Variants in FRMD4B observed in about 807,000 individuals in gnomAD.
The protein encoded by FRMD4B is FERM domain-containing protein 4B.
FRMD4B carries 74 observed loss-of-function variants against 141.5 expected under a neutral mutation model. The ratio of observed to expected loss-of-function variants is 0.52; its 90% CI spans 0.43 to 0.63. The LOEUF (loss-of-function observed/expected upper bound fraction) is 0.63. Ranked by LOEUF, FRMD4B falls within the 30% of genes least tolerant of loss-of-function variation. FRMD4B has a pLI of 0.00. For synonymous variants in FRMD4B, 506 were observed against 467.9 expected (o/e 1.08, Z -1.05); for missense variants, 1,366 against 1,253.4 (o/e 1.09, Z -1.36).
chr3:69,345,377 G>T (rs984729800), intron 1 of FRMD4B, among the ~76,000 whole-genome samples: 40 of 152,198 alleles, frequency 2.6e-4, no homozygotes, highest in Admixed American at 1.4e-3. Context: ...GCTCAAGGAG[G>T]CCTGCCTGCC....
At chr3:69,295,566 GC>G (rs1310539163) in intron 4 of FRMD4B, among the ~76,000 whole-genome samples, 2 of 152,118 alleles carry the variant, frequency 1.3e-5, no homozygotes, top group African/African-American at 4.8e-5. Flanking sequence ...TGCTCCACCT[GC>G]CTTGGCCTCC....
At chr3:69,518,334 T>C (rs905238142) in intron 1 of FRMD4B, among the ~76,000 whole-genome samples, 1 of 152,184 alleles carries the variant, frequency 6.6e-6, no homozygotes, top group African/African-American at 2.4e-5. Context: ...CATTCAGTGA[T>C]GACTTACCGA....
chr3:69,264,754 AAAAAGT>A (rs970133137), intron 5 of FRMD4B, among the ~76,000 whole-genome samples: 1 of 152,214 alleles, frequency 6.6e-6, no homozygotes, highest in African/African-American at 2.4e-5. Flanking sequence ...AGATGCTTTG[AAAAAGT>A]AAAAGACATT....
intron 1 of FRMD4B, among the ~76,000 whole-genome samples, chr3:69,362,540 G>A (rs1408494552): frequency 6.6e-6 from 1 of 152,096 alleles, no homozygotes; most frequent in African/African-American, 2.4e-5. Flanking sequence ...AGCTGGGCAC[G>A]GTGGCGCATG....
chr3:69,379,525 C>T (rs912554454), intron 1 of FRMD4B, among the ~76,000 whole-genome samples: 1 of 152,196 alleles, frequency 6.6e-6, no homozygotes, highest in Non-Finnish European at 1.5e-5. Context: ...GTGACCTGCC[C>T]GCCTTGGCCT....
At chr3:69,261,735 C>T (rs764824083) in intron 5 of FRMD4B, among the ~76,000 whole-genome samples, 17 of 152,114 alleles carry the variant, frequency 1.1e-4, no homozygotes, top group African/African-American at 2.4e-4. Flanking sequence ...TGCAGTGGCA[C>T]GATCTCAGCT....
At chr3:69,386,243 G>C, upstream of FRMD4B, 1 of 398,698 alleles carries the variant, frequency 2.5e-6, no homozygotes. Flanking sequence ...TCGCAGCGCC[G>C]AGCAAGCTGT....
At chr3:69,503,436 C>G (rs1460411242) in intron 1 of FRMD4B, among the ~76,000 whole-genome samples, 1 of 148,804 alleles carries the variant, frequency 6.7e-6, no homozygotes, top group African/African-American at 2.5e-5. Context: ...ATCACAAGGA[C>G]AAAAAACCAA....
chr3:69,496,398 T>C (rs1706387879), intron 1 of FRMD4B, among the ~76,000 whole-genome samples: 2 of 152,132 alleles, frequency 1.3e-5, no homozygotes, highest in Non-Finnish European at 2.9e-5. Context: ...CTGAACCCTC[T>C]GGCCATATTG....
At chr3:69,537,659 T>A (rs758105871) in intron 1 of FRMD4B, among the ~76,000 whole-genome samples, 5 of 152,242 alleles carry the variant, frequency 3.3e-5, no homozygotes, top group Non-Finnish European at 5.9e-5. Context: ...TTGTTCTGCA[T>A]CTTGATCTCA....
chr3:69,491,201 GAA>G (rs1344181664), intron 1 of FRMD4B, among the ~76,000 whole-genome samples: 11 of 152,266 alleles, frequency 7.2e-5, no homozygotes, highest in African/African-American at 2.6e-4. Flanking sequence ...AATAGGTCGA[GAA>G]GCCATGCAGC....
intron 1 of FRMD4B, among the ~76,000 whole-genome samples, chr3:69,358,330 C>G (rs976607546): frequency 2.6e-5 from 4 of 152,198 alleles, no homozygotes; most frequent in Admixed American, 6.5e-5. Flanking sequence ...TCTCACAATT[C>G]TTAATCATTT....
chr3:69,357,735 T>C (rs762759371), intron 1 of FRMD4B, among the ~76,000 whole-genome samples: 1 of 152,232 alleles, frequency 6.6e-6, no homozygotes, highest in Non-Finnish European at 1.5e-5. Flanking sequence ...AGGCAATGTA[T>C]TGCAGTTTTC....
intron 1 of FRMD4B, among the ~76,000 whole-genome samples, chr3:69,314,749 C>A (rs1469374505): frequency 6.6e-6 from 1 of 152,042 alleles, no homozygotes; most frequent in African/African-American, 2.4e-5. Flanking sequence ...TTGGGAGAAA[C>A]CCTTTGGCCT....
chr3:69,208,668 T>C (rs573411704), intron 11 of FRMD4B, among the ~76,000 whole-genome samples: 1 of 152,170 alleles, frequency 6.6e-6, no homozygotes, highest in African/African-American at 2.4e-5. Context: ...CCTCCCTGCA[T>C]CCCATTACTG....
intron 1 of FRMD4B, among the ~76,000 whole-genome samples, chr3:69,480,322 C>T (rs1163957058): frequency 6.6e-6 from 1 of 152,118 alleles, no homozygotes; most frequent in African/African-American, 2.4e-5. Flanking sequence ...TCTGTTTTTT[C>T]CCCATCTTTG....
chr3:69,233,357 G>A (rs565452224), intron 7 of FRMD4B, among the ~76,000 whole-genome samples: 7 of 151,842 alleles, frequency 4.6e-5, no homozygotes, highest in South Asian at 2.1e-4. Flanking sequence ...GGTGGCACAC[G>A]CCTGTAGTCC....
chr3:69,236,363 G>A (rs1047701104), intron 7 of FRMD4B, among the ~76,000 whole-genome samples: 2 of 151,858 alleles, frequency 1.3e-5, no homozygotes, highest in Non-Finnish European at 2.9e-5. Context: ...TGAGTAGCTG[G>A]GACTATAGGC....
chr3:69,360,826 C>A (rs978638659), intron 1 of FRMD4B, among the ~76,000 whole-genome samples: 1 of 152,128 alleles, frequency 6.6e-6, no homozygotes, highest in Non-Finnish European at 1.5e-5. Context: ...AGAGCCATTT[C>A]TTTTTGTGAC....
Sources: gnomAD v4.1 joint callset for allele counts (sites outside exome capture counted in the v4.1 genomes callset) on GRCh38, gnomAD v4.1.1 for gene constraint, MANE v1.5 for transcripts, NCBI Gene and HGNC (gene_info 2026-07-23, HGNC 2026-07-21) for gene names.